The following ZC3H12B variants were observed in gnomAD, a reference collection of about 807,000 sequenced individuals.
The protein encoded by ZC3H12B is probable ribonuclease ZC3H12B.
Under a neutral mutation model 43.9 loss-of-function variants are expected in ZC3H12B, and 7 were observed. The observed-to-expected ratio is 0.16, with a 90% confidence interval of 0.09 to 0.30. ZC3H12B has a LOEUF of 0.30. ZC3H12B is among the 10% of genes least tolerant of loss of function. ZC3H12B has a pLI of 1.00. For missense variants in ZC3H12B, 475 were observed against 670.2 expected (o/e 0.71, Z 3.22); for synonymous variants, 222 against 241.7 (o/e 0.92, Z 0.76).
the ZC3H12B span, among the ~76,000 whole-genome samples, chrX:65,325,380 G>A: frequency 9.0e-6 from 1 of 110,757 alleles, no homozygotes; most frequent in Non-Finnish European, 1.9e-5. Flanking sequence ...AGCTAAAACT[G>A]GTAAACAAAT....
chrX:65,315,648 C>A, the ZC3H12B span, among the ~76,000 whole-genome samples: 1 of 111,075 alleles, frequency 9.0e-6, no homozygotes, highest in Admixed American at 9.6e-5. Context: ...AAACGTAAAA[C>A]CAAAAGAAAA....
At chrX:65,332,378 G>T in the ZC3H12B span, among the ~76,000 whole-genome samples, 1 of 111,691 alleles carries the variant, frequency 9.0e-6, no homozygotes, top group Non-Finnish European at 1.9e-5. Flanking sequence ...ATTAATAAAT[G>T]TTCAATTTAA....
At chrX:65,471,208 G>C (rs187642991) in intron 3 of ZC3H12B, among the ~76,000 whole-genome samples, 216 of 110,950 alleles carry the variant, frequency 1.9e-3, no homozygotes, top group Non-Finnish European at 3.2e-3. Flanking sequence ...GGACTCCAGA[G>C]CTAAGTACAT....
the ZC3H12B span, among the ~76,000 whole-genome samples, chrX:65,038,283 T>C: frequency 9.0e-6 from 1 of 111,490 alleles, no homozygotes. Flanking sequence ...CCAGCAGTAG[T>C]CTTCTTTGAT....
At chrX:65,231,862 G>A in the ZC3H12B span, among the ~76,000 whole-genome samples, 4 of 111,450 alleles carry the variant, frequency 3.6e-5, no homozygotes, top group African/African-American at 1.3e-4. Flanking sequence ...CAAAAAATTT[G>A]TACAGTTAAC....
chrX:65,153,249 A>C, the ZC3H12B span, among the ~76,000 whole-genome samples: 1 of 112,164 alleles, frequency 8.9e-6, no homozygotes, highest in Non-Finnish European at 1.9e-5. Flanking sequence ...TAATTAAACT[A>C]AAGAGCTTCT....
the ZC3H12B span, among the ~76,000 whole-genome samples, chrX:65,047,216 A>C: frequency 9.0e-6 from 1 of 111,525 alleles, no homozygotes; most frequent in Non-Finnish European, 1.9e-5. Flanking sequence ...CAAAAAACAC[A>C]GTATCTGCAA....
At chrX:65,473,000 A>ATG (rs1556258867) in intron 3 of ZC3H12B, among the ~76,000 whole-genome samples, 1,079 of 78,564 alleles carry the variant, frequency 0.014, 42 homozygotes, top group African/African-American at 0.077. Flanking sequence ...ATATATATGT[A>ATG]TATATATATA....
the ZC3H12B span, among the ~76,000 whole-genome samples, chrX:65,337,799 T>A: frequency 8.9e-6 from 1 of 112,577 alleles, no homozygotes; most frequent in Non-Finnish European, 1.9e-5. Flanking sequence ...ATCTATTAAG[T>A]TCCTTCTGGA....
At chrX:65,260,151 A>T in the ZC3H12B span, among the ~76,000 whole-genome samples, 1 of 110,635 alleles carries the variant, frequency 9.0e-6, no homozygotes, top group Non-Finnish European at 1.9e-5. Context: ...GTGCACCAAA[A>T]TCTCAGAAAT....
the ZC3H12B span, among the ~76,000 whole-genome samples, chrX:65,193,397 G>T: frequency 9.0e-6 from 1 of 111,408 alleles, no homozygotes; most frequent in Non-Finnish European, 1.9e-5. Flanking sequence ...TTTATCCCTT[G>T]CTTCTAAATT....
At chrX:65,112,814 T>C in the ZC3H12B span, among the ~76,000 whole-genome samples, 2 of 111,939 alleles carry the variant, frequency 1.8e-5, no homozygotes, top group African/African-American at 6.5e-5. Flanking sequence ...AATGTTGTTT[T>C]CATGCTTGAT....
At chrX:65,255,970 T>G in the ZC3H12B span, among the ~76,000 whole-genome samples, 14 of 112,473 alleles carry the variant, frequency 1.2e-4, no homozygotes, top group Non-Finnish European at 1.1e-4. Context: ...AAGGGCACAA[T>G]TTAACAAGAA....
the ZC3H12B span, among the ~76,000 whole-genome samples, chrX:65,121,045 T>A: frequency 9.0e-6 from 1 of 111,181 alleles, no homozygotes; most frequent in Admixed American, 9.6e-5. Context: ...TGCAGGATTC[T>A]TTTTGCCAGT....
chrX:65,123,778 T>G, the ZC3H12B span, among the ~76,000 whole-genome samples: 3 of 107,791 alleles, frequency 2.8e-5, no homozygotes, highest in Non-Finnish European at 5.8e-5. Flanking sequence ...AGTTATAGAT[T>G]TGATTTTCAG....
At chrX:65,170,756 C>T in the ZC3H12B span, among the ~76,000 whole-genome samples, 1 of 111,347 alleles carries the variant, frequency 9.0e-6, no homozygotes, top group Non-Finnish European at 1.9e-5. Flanking sequence ...TTTCTCTAAA[C>T]TTCTCTTCTC....
chrX:65,172,892 T>G, the ZC3H12B span, among the ~76,000 whole-genome samples: 2,002 of 112,104 alleles, frequency 0.018, 98 homozygotes, highest in East Asian at 0.18. Context: ...TGCTTAGGAT[T>G]GTCTTGGCTA....
At chrX:65,140,660 A>C in the ZC3H12B span, among the ~76,000 whole-genome samples, 1 of 112,125 alleles carries the variant, frequency 8.9e-6, no homozygotes, top group Admixed American at 9.4e-5. Flanking sequence ...GTTTCTCTCT[A>C]AATATCTGGT....
At chrX:65,322,486 T>A in the ZC3H12B span, among the ~76,000 whole-genome samples, 1 of 112,480 alleles carries the variant, frequency 8.9e-6, no homozygotes, top group African/African-American at 3.2e-5. Context: ...AAACAACATT[T>A]ATTGAGGGGA....
Sources: allele counts gnomAD v4.1 joint callset (sites outside exome capture counted in the v4.1 genomes callset), GRCh38; gene constraint gnomAD v4.1.1; transcripts MANE v1.5; gene names NCBI Gene and HGNC (gene_info 2026-07-23, HGNC 2026-07-21).